The following ZNF814 variants were observed in gnomAD, a reference collection of about 807,000 sequenced individuals.
ZNF814 encodes zinc finger protein 814.
Under a neutral mutation model 7.5 loss-of-function variants are expected in ZNF814, and 5 were observed. The ratio of observed to expected loss-of-function variants is 0.67; its 90% CI spans 0.35 to 1.40. The LOEUF is 1.40. ZNF814 is among the 40% of genes most tolerant of loss of function. ZNF814 has a pLI of 0.04. For synonymous variants in ZNF814, 315 were observed against 340.7 expected (o/e 0.92, Z 0.83); for missense variants, 962 against 1,018.0 (o/e 0.94, Z 0.75).
At chr19:57,903,489 C>T in the ZNF814 span, among the ~76,000 whole-genome samples, 1 of 152,050 alleles carries the variant, frequency 6.6e-6, no homozygotes, top group Non-Finnish European at 1.5e-5. Flanking sequence ...TGCGTTACTC[C>T]TCATAGTTAG....
chr19:57,900,913 C>T, the ZNF814 span, among the ~76,000 whole-genome samples: 26 of 124,822 alleles, frequency 2.1e-4, no homozygotes, highest in African/African-American at 7.4e-4. Context: ...AGTGACCAAT[C>T]TCGGTTCACT....
the ZNF814 span, among the ~76,000 whole-genome samples, chr19:57,895,048 A>C: frequency 6.6e-6 from 1 of 152,156 alleles, no homozygotes; most frequent in African/African-American, 2.4e-5. Flanking sequence ...TGAAAATGAC[A>C]GTGAAGCAGA....
the ZNF814 span, among the ~76,000 whole-genome samples, chr19:57,903,305 G>A: frequency 7.2e-5 from 11 of 152,132 alleles, no homozygotes; most frequent in Non-Finnish European, 1.3e-4. Context: ...TGTCAAATTT[G>A]TTGATAAATG....
the ZNF814 span, among the ~76,000 whole-genome samples, chr19:57,901,902 A>G: frequency 6.6e-6 from 1 of 152,112 alleles, no homozygotes; most frequent in Non-Finnish European, 1.5e-5. Flanking sequence ...GGTGTACAAC[A>G]ATGACAGAAC....
At position 57,871,207 on chromosome 19, in the gene ZNF814, C is replaced by G. The variant is rs186797968; in HGVS notation, c.*1615G>C. 6.6e-6 allele frequency: 1 copy of G among 152,220 alleles called. No homozygotes were observed. The highest frequency in any genetic ancestry group is 2.4e-5 in the African/African-American group (1 of 41,532). 9.4% of individuals were successfully genotyped at this position (152,220 alleles called of 1,614,324 possible). ...GTACCAAGTACAATGCAATATACCT[C>G]GTAAAAGAATTTTGTCTTGTTCAAA... On this transcript the variant is annotated 3_prime_UTR_variant, in exon 3 of 3. Transcript: ENST00000435989.
Position 57,876,977 on chromosome 19 carries a change from C to T in ZNF814, c.102G>A (p.Glu34=), listed in dbSNP as rs762500629. 1 of 1,614,160 alleles carries T rather than the reference C, an allele frequency of 6.2e-7. No individual in the cohort carries two copies. Among genetic ancestry groups the T allele is most frequent in the South Asian group, 1.1e-5 (1 of 91,084 alleles). ...FTWEEWNLLS[E]AQRCLYRDVT... ...CATCACGGTACAGGCATCTCTGAGC[C>T]TCACTAAGGAGATTCCATTCCTCCC... The change falls in exon 2 of 3, where the codon GAG becomes GAA. Residue 34 remains glutamate (E), a synonymous_variant. Transcript: ENST00000435989.
chr19:57,872,493 T>C lies in ZNF814; in HGVS notation c.*329A>G, dbSNP rs1600134094. The C allele has an allele frequency of 2.0e-6, 1 of 498,590 alleles. No individual in the cohort carries two copies. Among genetic ancestry groups the C allele is most frequent in the East Asian group, 3.4e-5 (1 of 29,100 alleles). The allele number at this position is 498,590 out of a possible 1,614,324, so 30.9% of individuals were successfully genotyped here. A position where few individuals can be genotyped will look rare whatever the true frequency, so the allele number is the denominator to read the frequency against. ...GCTACAAAATTGCCCAAATGTATTT[T>C]ATTTGTCTAGTGTGAACTCTCTGAT... On this transcript the variant is annotated 3_prime_UTR_variant, in exon 3 of 3. Coordinates refer to ENST00000435989, the MANE Select transcript of ZNF814 (RefSeq NM_001144989.2).
At chr19:57,888,666 A>G in intron 1 of ZNF814, 101 bp downstream of exon 1, 1 of 1,461,696 alleles carries the variant, frequency 6.8e-7, no homozygotes, top group Non-Finnish European at 9.3e-7. Flanking sequence ...CAGTGTCCCA[A>G]CGCCGGCGTC....
chr19:57,875,195 T>C lies in ZNF814; in HGVS notation c.195A>G (p.Ala65=). Residue 65 remains alanine (A), a synonymous_variant, in exon 3 of 3, where the codon GCA becomes GCG. Coordinates refer to ENST00000435989, the MANE Select transcript of ZNF814 (RefSeq NM_001144989.2). ...GCWCGVEDEA[A]PSKQSIYIQR... Reference sequence around the variant, plus strand: ...GTATATAAATACTCTGCTTAGAAGGTGCCGCCTCATCTTCCACTCCACACC... The same window carrying C: ...GTATATAAATACTCTGCTTAGAAGGCGCCGCCTCATCTTCCACTCCACACC... 6.6e-7 allele frequency: 1 copy of C among 1,526,670 alleles called. No homozygotes were observed. The highest frequency in any genetic ancestry group is 2.3e-5 in the East Asian group (1 of 44,230). 94.6% of individuals were successfully genotyped at this position (1,526,670 alleles called of 1,614,324 possible).
At chr19:57,885,088 G>A (rs1600140048) in intron 1 of ZNF814, among the ~76,000 whole-genome samples, 1 of 152,206 alleles carries the variant, frequency 6.6e-6, no homozygotes, top group East Asian at 1.9e-4. Flanking sequence ...TTGGGAGGAC[G>A]AGGCCGGTGG....
chr19:57,871,650 GA>G lies in ZNF814; in HGVS notation c.*1171del, dbSNP rs1398779555. ...TTGATGTGATACCCACAAGATCTCT[GA>G]AAGACATAGTCCGTCTTTTCAAGTC... On this transcript the variant is annotated 3_prime_UTR_variant, in exon 3 of 3. Coordinates refer to ENST00000435989, the MANE Select transcript of ZNF814 (RefSeq NM_001144989.2). The G allele has an allele frequency of 6.6e-6, 1 of 152,030 alleles. No homozygotes were observed. The highest frequency in any genetic ancestry group is 1.5e-5 in the Non-Finnish European group (1 of 68,014). 9.4% of individuals were successfully genotyped at this position (152,030 alleles called of 1,614,324 possible).
At position 57,871,174 on chromosome 19, in the gene ZNF814, C is replaced by G. The variant is rs11084521; in HGVS notation, c.*1648G>C. 0.36 allele frequency: 54,794 copies of G among 152,000 alleles called. 10,683 individuals carry two copies. Among genetic ancestry groups the G allele is most frequent in the African/African-American group, 0.5 (20,546 of 41,428 alleles). 9.4% of individuals were successfully genotyped at this position (152,000 alleles called of 1,614,324 possible). A position where few individuals can be genotyped will look rare whatever the true frequency, so the allele number is the denominator to read the frequency against. ...TTGCAAGAGCTGGGCAACAGACTTC[C>G]CTCAGCCGTACCAAGTACAATGCAA... On this transcript the variant is annotated 3_prime_UTR_variant, in exon 3 of 3. Coordinates refer to ENST00000435989, the MANE Select transcript of ZNF814 (RefSeq NM_001144989.2).
At chr19:57,902,205 G>A in the ZNF814 span, among the ~76,000 whole-genome samples, 12 of 152,320 alleles carry the variant, frequency 7.9e-5, no homozygotes, top group African/African-American at 2.4e-4. Flanking sequence ...TTGGTTTGAA[G>A]GTGTGGACGC....
At chr19:57,889,620 T>C (rs556311059), upstream of ZNF814, among the ~76,000 whole-genome samples, 17 of 152,208 alleles carry the variant, frequency 1.1e-4, no homozygotes, top group East Asian at 3.3e-3. Context: ...ATCCCAGCAC[T>C]TTGGGAGGCC....
the ZNF814 span, among the ~76,000 whole-genome samples, chr19:57,895,527 C>T: frequency 2.0e-5 from 3 of 152,028 alleles, no homozygotes; most frequent in African/African-American, 4.8e-5. Context: ...CCGCCCGCCT[C>T]GGCCTCCCAA....
At chr19:57,896,503 G>A in the ZNF814 span, among the ~76,000 whole-genome samples, 1 of 152,190 alleles carries the variant, frequency 6.6e-6, no homozygotes, top group Non-Finnish European at 1.5e-5. The surrounding 1 kb of genome is among the most constrained non-coding windows in gnomAD (Gnocchi z 4.2). Context: ...TGAATTAGCT[G>A]TAAAATTTAC....
At position 57,875,257 on chromosome 19, in the gene ZNF814, T is replaced by C. The variant is rs1027140017; in HGVS notation, c.164-31A>G. The C allele has an allele frequency of 6.0e-6, 9 of 1,509,442 alleles. No individual in the cohort carries two copies. In the African/African-American group the frequency reaches 9.8e-5, roughly 16 times the overall value. The allele number at this position is 1,509,442 out of a possible 1,614,324, so 93.5% of individuals were successfully genotyped here. ...AGCAAGAAAATGCTGGTGAAGTGCA[T>C]GTTAACTCTGGTGGGAAGGCACAGA... On this transcript the variant is annotated intron_variant, in intron 2 of 2. Coordinates refer to ENST00000435989, the MANE Select transcript of ZNF814 (RefSeq NM_001144989.2).
chr19:57,873,303 A>G lies in ZNF814; in HGVS notation c.2087T>C (p.Leu696Ser). 1 of 1,589,216 alleles carries G rather than the reference A, an allele frequency of 6.3e-7. No homozygotes were observed. Among genetic ancestry groups the G allele is most frequent in the East Asian group, 2.3e-5 (1 of 43,390 alleles). The part of the protein sequence containing the change: ...RPYVCRECGK[L>S]FKKKSHLLVH... ...AAGGAGGTGAGACTTCTTCTTAAATAATTTTCCACATTCCCTACATACATA... is the reference window on the plus strand; with the variant it reads ...AAGGAGGTGAGACTTCTTCTTAAATGATTTTCCACATTCCCTACATACATA... Residue 696 changes from leucine to serine, a missense_variant, in exon 3 of 3, where the codon TTA becomes TCA. Physicochemically the swap from Leu to Ser is moderately radical, Grantham distance 145. Around this residue, in one of 7 missense-constraint regions of ZNF814, gnomAD observed 665 missense variants for 551.4 expected, o/e 1.21. Coordinates refer to ENST00000435989, the MANE Select transcript of ZNF814 (RefSeq NM_001144989.2).
At chr19:57,889,925 C>T (rs1366582474), upstream of ZNF814, among the ~76,000 whole-genome samples, 1 of 152,126 alleles carries the variant, frequency 6.6e-6, no homozygotes, top group Non-Finnish European at 1.5e-5. Context: ...TTCTCCTAGG[C>T]AGAGGATCAT....
Sources: allele counts gnomAD v4.1 joint callset (sites outside exome capture counted in the v4.1 genomes callset), GRCh38; gene constraint gnomAD v4.1.1; regional missense constraint gnomAD v4.1.1; non-coding constraint Gnocchi (gnomAD v3.1); transcripts MANE v1.5; gene names NCBI Gene and HGNC (gene_info 2026-07-23, HGNC 2026-07-21).